ASTN2: variants seen among roughly 807,000 people sequenced by gnomAD.
ASTN2 encodes the protein astrotactin 2.
Under a neutral mutation model 139.8 loss-of-function variants are expected in ASTN2, and 54 were observed. The ratio of observed to expected loss-of-function variants is 0.39; its 90% CI spans 0.31 to 0.48. The LOEUF is 0.48. Among genes scored for constraint, ASTN2 ranks in the 20% least tolerant of loss-of-function variants. The pLI, the probability that ASTN2 is intolerant of heterozygous loss-of-function variation, is 0.95. For missense variants in ASTN2, 1,565 were observed against 1,725.1 expected (o/e 0.91, Z 1.64); for synonymous variants, 756 against 719.5 (o/e 1.05, Z -0.81).
rs1475686795 is a variant in ASTN2 at position 116,554,961 on chromosome 9, C to T, written c.3355+63363G>A. ...TGCTTGTTGATTTTCCAGGGTCTTTCGAGGAGGGAAACTGTGAGATTATCT... is the reference window on the plus strand; with the variant it reads ...TGCTTGTTGATTTTCCAGGGTCTTTTGAGGAGGGAAACTGTGAGATTATCT... On this transcript the variant is annotated intron_variant, in intron 19 of 22. Transcript: ENST00000313400. 3.9e-5 allele frequency among the ~76,000 whole-genome samples: 6 copies of T among 152,028 alleles called. No homozygotes were observed. The East Asian group carries it at 7.7e-4, about 20-fold the overall frequency.
chr9:116,498,469 G>A (rs1245189188), intron 19 of ASTN2, among the ~76,000 whole-genome samples: 1 of 152,022 alleles, frequency 6.6e-6, no homozygotes, highest in Non-Finnish European at 1.5e-5. Context: ...GTGGTGGCAT[G>A]TGTCTGTAGC....
At chr9:117,360,209 CT>C (rs757740711) in intron 1 of ASTN2, among the ~76,000 whole-genome samples, 1 of 152,028 alleles carries the variant, frequency 6.6e-6, no homozygotes, top group Non-Finnish European at 1.5e-5. Flanking sequence ...GCTCGGCAAA[CT>C]TACTGGAAAA....
chr9:116,511,911 T>C (rs1437889484), intron 19 of ASTN2, among the ~76,000 whole-genome samples: 1 of 152,188 alleles, frequency 6.6e-6, no homozygotes, highest in East Asian at 1.9e-4. Flanking sequence ...TTTATGAGTC[T>C]TGCTAGTGGT....
At chr9:116,849,729 T>C (rs547573292) in intron 11 of ASTN2, among the ~76,000 whole-genome samples, 1 of 151,762 alleles carries the variant, frequency 6.6e-6, no homozygotes, top group Admixed American at 6.5e-5. Flanking sequence ...TCCATGCTGC[T>C]AGGTTTAACA....
chr9:117,351,679 G>A (rs1829393933), intron 1 of ASTN2, among the ~76,000 whole-genome samples: 1 of 152,184 alleles, frequency 6.6e-6, no homozygotes, highest in Admixed American at 6.5e-5. Flanking sequence ...TTATGAGGTG[G>A]AATCTTTGGA....
At chr9:116,975,434 C>T in intron 9 of ASTN2, 89 bp from the exon 10 acceptor site, 5 of 1,294,348 alleles carry the variant, frequency 3.9e-6, no homozygotes, top group Non-Finnish European at 4.1e-6. Context: ...CCTTCTAGGG[C>T]AATTTCCTAC....
rs1834269130 is a variant in ASTN2, at chr9:117,279,287, A to C, written c.630+12039T>G. Among the ~76,000 whole-genome samples the C allele has an allele frequency of 2.0e-5, 3 of 152,220 alleles. No individual in the cohort carries two copies. The South Asian group carries it at 6.2e-4, about 32-fold the overall frequency. On this transcript the variant is annotated intron_variant, in intron 2 of 22. Transcript: ENST00000313400. ...GCAGAGAGCTCATTTGGAACTAGAAATATATGTTTAATTCTGGGCTCGGAC... is the reference window on the plus strand; with the variant it reads ...GCAGAGAGCTCATTTGGAACTAGAACTATATGTTTAATTCTGGGCTCGGAC...
At chr9:117,024,357 C>T (rs1021389201) in intron 6 of ASTN2, among the ~76,000 whole-genome samples, 3 of 151,936 alleles carry the variant, frequency 2.0e-5, no homozygotes. Flanking sequence ...ACCAATAATT[C>T]AATAACAGGA....
chr9:117,120,010 G>GTATATATATA (rs1167959692), intron 4 of ASTN2, among the ~76,000 whole-genome samples: 13 of 33,718 alleles, frequency 3.9e-4, no homozygotes, highest in African/African-American at 1.0e-3. Flanking sequence ...GTGTGTGTGT[G>GTATATATATA]TGTGTGTGTA....
intron 6 of ASTN2, among the ~76,000 whole-genome samples, chr9:117,016,643 T>TGTTAC (rs1311850196): frequency 2.0e-5 from 2 of 98,212 alleles, no homozygotes; most frequent in Admixed American, 1.0e-4. Context: ...TATATATATA[T>TGTTAC]ATATATATAT....
intron 1 of ASTN2, among the ~76,000 whole-genome samples, chr9:117,308,886 G>A (rs1244643587): frequency 6.6e-6 from 1 of 152,142 alleles, no homozygotes; most frequent in Middle Eastern, 3.2e-3. Context: ...AGACTAGTGC[G>A]GCTAATGCCT....
rs533892119 is a variant in ASTN2 at position 117,328,578 on chromosome 9, G to C, written c.443-37065C>G. Among the ~76,000 whole-genome samples, 101 of 152,218 alleles carry C rather than the reference G, an allele frequency of 6.6e-4. 1 individual carries two copies. The highest frequency in any genetic ancestry group is 1.3e-3 in the Non-Finnish European group (86 of 68,016). On this transcript the variant is annotated intron_variant, in intron 1 of 22. Transcript: ENST00000313400. ...TAGATATGCTATATGCGGTGGAAAAGCACTTTCCCAATGATTGTTAATTAA... is the reference window on the plus strand; with the variant it reads ...TAGATATGCTATATGCGGTGGAAAACCACTTTCCCAATGATTGTTAATTAA...
intron 5 of ASTN2, among the ~76,000 whole-genome samples, chr9:117,059,981 T>C (rs141949996): frequency 6.6e-6 from 1 of 152,118 alleles, no homozygotes; most frequent in East Asian, 1.9e-4. Flanking sequence ...TATTTAGGGA[T>C]GTTGCATGGC....
At chr9:116,741,218 C>T (rs968598627) in intron 13 of ASTN2, among the ~76,000 whole-genome samples, 7 of 152,118 alleles carry the variant, frequency 4.6e-5, no homozygotes, top group African/African-American at 1.7e-4. Context: ...GAGCCATCAC[C>T]CCTCAGTTCT....
Position 116,838,109 on chromosome 9 carries a change from TTG to T in ASTN2, c.2041-17328_2041-17327del, listed in dbSNP as rs1474423769. On this transcript the variant is annotated intron_variant, in intron 11 of 22. Transcript: ENST00000313400. ...CAGTTCTGCCTGGCTGTGTTTTTTT[TTG>T]TTTTGTTTTGTTTTTTGAGACAGAG... 1.1e-3 allele frequency among the ~76,000 whole-genome samples: 157 copies of T among 136,704 alleles called. 7 individuals carry two copies. In the East Asian group the frequency reaches 0.026, roughly 22 times the overall value. 89.7% of individuals were successfully genotyped at this position (136,704 alleles called of 152,430 possible). A position where few individuals can be genotyped will look rare whatever the true frequency, so the allele number is the denominator to read the frequency against.
intron 20 of ASTN2, among the ~76,000 whole-genome samples, chr9:116,455,407 A>G (rs1228552361): frequency 1.3e-5 from 2 of 151,872 alleles, no homozygotes; most frequent in African/African-American, 2.4e-5. Flanking sequence ...AGTAATAGTT[A>G]ATTGCTAATT....
chr9:116,956,445 T>A (rs995025046), intron 10 of ASTN2, among the ~76,000 whole-genome samples: 1 of 147,760 alleles, frequency 6.8e-6, no homozygotes, highest in Admixed American at 6.8e-5. Context: ...ATATATTATA[T>A]ATAATATATA....
chr9:117,370,000 G>A (rs1056267764), intron 1 of ASTN2, among the ~76,000 whole-genome samples: 1 of 152,086 alleles, frequency 6.6e-6, no homozygotes, highest in African/African-American at 2.4e-5. Flanking sequence ...AACAAGCGAT[G>A]AGCGGGAAGC....
intron 2 of ASTN2, among the ~76,000 whole-genome samples, chr9:117,235,176 G>A (rs980612109): frequency 3.3e-5 from 5 of 149,314 alleles, no homozygotes; most frequent in Non-Finnish European, 7.4e-5. Flanking sequence ...GGAGGTTACA[G>A]TAAGCTGAGA....
Sources: allele counts gnomAD v4.1 joint callset (sites outside exome capture counted in the v4.1 genomes callset), GRCh38; gene constraint gnomAD v4.1.1; transcripts MANE v1.5; gene names NCBI Gene and HGNC (gene_info 2026-07-23, HGNC 2026-07-21).